CAMK4: variants seen among roughly 807,000 people sequenced by gnomAD.
The protein encoded by CAMK4 is calcium/calmodulin-dependent protein kinase type IV.
A neutral mutation model predicts 44.9 loss-of-function variants in CAMK4; 22 were observed. The ratio of observed to expected loss-of-function variants is 0.49; its 90% CI spans 0.35 to 0.70. CAMK4 has a LOEUF of 0.70. CAMK4 is among the 30% of genes least tolerant of loss of function. CAMK4 has a pLI of 0.01. For synonymous variants in CAMK4, 218 were observed against 215.4 expected (o/e 1.01, Z -0.11); for missense variants, 498 against 586.8 (o/e 0.85, Z 1.56).
intron 5 of CAMK4, among the ~76,000 whole-genome samples, chr5:111,405,551 CT>C (rs1430530351): frequency 6.6e-6 from 1 of 152,124 alleles, no homozygotes; most frequent in Non-Finnish European, 1.5e-5. Flanking sequence ...CATAATACTC[CT>C]TTTTTCCCTT....
intron 1 of CAMK4, among the ~76,000 whole-genome samples, chr5:111,252,212 G>C (rs767582441): frequency 3.3e-5 from 5 of 152,116 alleles, no homozygotes; most frequent in Non-Finnish European, 5.9e-5. Context: ...TTTAAACCTC[G>C]TCAGAGTCAC....
At chr5:111,443,598 T>A (rs1753924753) in intron 5 of CAMK4, among the ~76,000 whole-genome samples, 1 of 151,920 alleles carries the variant, frequency 6.6e-6, no homozygotes, top group African/African-American at 2.4e-5. Context: ...AAATGATGTT[T>A]TCTTTTTTGT....
At chr5:111,302,029 A>C (rs575700303) in intron 1 of CAMK4, among the ~76,000 whole-genome samples, 2 of 152,316 alleles carry the variant, frequency 1.3e-5, no homozygotes, top group African/African-American at 4.8e-5. Flanking sequence ...CTGAAGGGTA[A>C]ATATTCTTAA....
chr5:111,347,528 A>G (rs550799450), intron 2 of CAMK4, among the ~76,000 whole-genome samples: 2 of 152,070 alleles, frequency 1.3e-5, no homozygotes, highest in Admixed American at 1.3e-4. Context: ...AAGGAACTCA[A>G]AATTTTTCTT....
chr5:111,352,716 T>G (rs1750167407), intron 2 of CAMK4, among the ~76,000 whole-genome samples: 1 of 146,682 alleles, frequency 6.8e-6, no homozygotes, highest in African/African-American at 2.5e-5. Context: ...AGAAAGAGGG[T>G]ACCAAACTCA....
At chr5:111,256,489 G>T (rs939378654) in intron 1 of CAMK4, among the ~76,000 whole-genome samples, 1 of 152,154 alleles carries the variant, frequency 6.6e-6, no homozygotes, top group Admixed American at 6.5e-5. Context: ...ACCTTTGGGG[G>T]AACTGAGTGA....
intron 5 of CAMK4, among the ~76,000 whole-genome samples, chr5:111,443,275 TATATACACAC>T (rs1397176411): frequency 0.12 from 5,559 of 46,168 alleles, 161 homozygotes; most frequent in East Asian, 0.26. Flanking sequence ...TATATATATA[TATATACACAC>T]ACACACACAC....
At chr5:111,259,602 G>A (rs1473224680) in intron 1 of CAMK4, among the ~76,000 whole-genome samples, 1 of 152,174 alleles carries the variant, frequency 6.6e-6, no homozygotes, top group Admixed American at 6.5e-5. Flanking sequence ...GGCAATAACG[G>A]TGACCCCACA....
chr5:111,292,678 C>G (rs557329039), intron 1 of CAMK4, among the ~76,000 whole-genome samples: 2 of 152,106 alleles, frequency 1.3e-5, no homozygotes, highest in Non-Finnish European at 2.9e-5. Context: ...TCCCAGCACT[C>G]TGAGAGGTTG....
intron 1 of CAMK4, among the ~76,000 whole-genome samples, chr5:111,337,747 C>CTTAT (rs141967643): frequency 6.6e-6 from 1 of 151,182 alleles, no homozygotes; most frequent in African/African-American, 2.4e-5. Context: ...TTCTGAGGAA[C>CTTAT]TGATAAGCTC....
chr5:111,256,157 G>A (rs1190176258), intron 1 of CAMK4, among the ~76,000 whole-genome samples: 2 of 152,098 alleles, frequency 1.3e-5, no homozygotes, highest in African/African-American at 4.8e-5. Flanking sequence ...GGACTCAAGG[G>A]CCATATGTTA....
intron 7 of CAMK4, among the ~76,000 whole-genome samples, chr5:111,472,197 A>G (rs1755088746): frequency 6.6e-6 from 1 of 151,976 alleles, no homozygotes; most frequent in Non-Finnish European, 1.5e-5. Flanking sequence ...GCCCAGCCCC[A>G]GAGCTCATCT....
Position 111,444,020 on chromosome 5 carries a change from A to G in CAMK4, c.460-2666A>G, listed in dbSNP as rs139772928. Among the ~76,000 whole-genome samples, 1,101 of 151,996 alleles carry G rather than the reference A, an allele frequency of 7.2e-3. 8 individuals are homozygous for G. Among genetic ancestry groups the G allele is most frequent in the Admixed American group, 0.016 (247 of 15,266 alleles). ...GAGCATGCTCCTCTGTCATTCTCTCATTTCTCTTCCTACCTTCATTACCTT... is the reference window on the plus strand; with the variant it reads ...GAGCATGCTCCTCTGTCATTCTCTCGTTTCTCTTCCTACCTTCATTACCTT... On this transcript the variant is annotated intron_variant, in intron 5 of 10. Coordinates refer to ENST00000282356, the MANE Select transcript of CAMK4 (RefSeq NM_001744.6).
chr5:111,311,660 CTCT>C (rs1368143892), intron 1 of CAMK4, among the ~76,000 whole-genome samples: 3 of 152,148 alleles, frequency 2.0e-5, no homozygotes, highest in African/African-American at 4.8e-5. Flanking sequence ...GGATTCTTTG[CTCT>C]TCTTGGGAAT....
intron 5 of CAMK4, among the ~76,000 whole-genome samples, chr5:111,401,550 CATT>C (rs1219693154): frequency 6.6e-6 from 1 of 151,688 alleles, no homozygotes; most frequent in Non-Finnish European, 1.5e-5. Flanking sequence ...AGAAAATGGA[CATT>C]ATTATAGAGA....
Position 111,427,772 on chromosome 5 carries a change from C to G in CAMK4, c.460-18914C>G, listed in dbSNP as rs956018347. On this transcript the variant is annotated intron_variant, in intron 5 of 10. Transcript: ENST00000282356. The stretch of plus-strand genomic sequence containing the variant: ...GGTTTTTGACTGTAGTTCCTGACTC[C>G]TGGACAGCACTTCTGGACCCAGCGG... Among the ~76,000 whole-genome samples the G allele has an allele frequency of 3.9e-5, 6 of 152,196 alleles. No homozygotes were observed. The East Asian group carries it at 9.7e-4, about 24-fold the overall frequency.
chr5:111,257,814 C>A (rs1369844815), intron 1 of CAMK4, among the ~76,000 whole-genome samples: 2 of 152,108 alleles, frequency 1.3e-5, no homozygotes, highest in Admixed American at 1.3e-4. Flanking sequence ...TACTATGCAG[C>A]CATAAAAAGG....
In CAMK4 at chr5:111,394,580, C is replaced by T. The variant is rs971886966; in HGVS notation, c.387-130C>T. On this transcript the variant is annotated intron_variant, in intron 4 of 10. Coordinates refer to ENST00000282356, the MANE Select transcript of CAMK4 (RefSeq NM_001744.6). The stretch of plus-strand genomic sequence containing the variant: ...AGTGTCAGTTTGTGGAAATCTTTCC[C>T]ATGGTAGTATGGTAGCTTGTTTCAA... 6.3e-5 allele frequency: 37 copies of T among 584,300 alleles called. 1 individual carries two copies. Among genetic ancestry groups the T allele is most frequent in the Non-Finnish European group, 1.0e-4 (34 of 329,750 alleles). The allele number at this position is 584,300 out of a possible 1,614,324, so 36.2% of individuals were successfully genotyped here. A position where few individuals can be genotyped will look rare whatever the true frequency, so the allele number is the denominator to read the frequency against.
chr5:111,421,230 C>T (rs1210341813), intron 5 of CAMK4, among the ~76,000 whole-genome samples: 1 of 152,304 alleles, frequency 6.6e-6, no homozygotes, highest in South Asian at 2.1e-4. Context: ...CAGCACAAAC[C>T]CTATGTCATA....
Sources: gnomAD v4.1 joint callset for allele counts (sites outside exome capture counted in the v4.1 genomes callset) on GRCh38, gnomAD v4.1.1 for gene constraint, MANE v1.5 for transcripts, NCBI Gene and HGNC (gene_info 2026-07-23, HGNC 2026-07-21) for gene names.